Variants in ZNF385D observed in about 807,000 individuals in gnomAD.
The protein encoded by ZNF385D is zinc finger protein 385D.
A neutral mutation model predicts 35.8 loss-of-function variants in ZNF385D; 15 were observed. That is an observed-to-expected ratio of 0.42 (90% CI 0.28 to 0.64). The LOEUF (loss-of-function observed/expected upper bound fraction) is 0.64. Among genes scored for constraint, ZNF385D ranks in the 30% least tolerant of loss-of-function variants. ZNF385D has a pLI of 0.23. For synonymous variants in ZNF385D, 212 were observed against 186.8 expected, an observed-to-expected ratio of 1.13 and a Z score of -1.10; for missense variants, 474 against 494.6, an observed-to-expected ratio of 0.96 and a Z score of 0.39.
intron 1 of ZNF385D, among the ~76,000 whole-genome samples, chr3:21,741,289 G>C (rs2069503353): frequency 6.6e-6 from 1 of 152,180 alleles, no homozygotes; most frequent in African/African-American, 2.4e-5. Flanking sequence ...CACCAGGTTA[G>C]TATTTAGGAT....
intron 3 of ZNF385D, among the ~76,000 whole-genome samples, chr3:21,804,771 G>A (rs951655796): frequency 2.1e-5 from 2 of 93,790 alleles, no homozygotes; most frequent in Non-Finnish European, 4.5e-5. Flanking sequence ...TGTCAGAGAG[G>A]TTAAGTAATT....
intron 4 of ZNF385D, among the ~76,000 whole-genome samples, chr3:21,448,099 A>G (rs541205010): frequency 6.6e-6 from 1 of 152,248 alleles, no homozygotes; most frequent in Non-Finnish European, 1.5e-5. Context: ...GAAAGTTACC[A>G]TGATGTAACC....
intron 2 of ZNF385D, among the ~76,000 whole-genome samples, chr3:21,622,621 A>G (rs1378204662): frequency 6.6e-6 from 1 of 152,278 alleles, no homozygotes; most frequent in East Asian, 1.9e-4. Flanking sequence ...CAGATAAGAA[A>G]GTGTTCATAC....
chr3:22,079,061 G>C (rs1700609826), intron 3 of ZNF385D, among the ~76,000 whole-genome samples: 1 of 151,936 alleles, frequency 6.6e-6, no homozygotes, highest in Non-Finnish European at 1.5e-5. Context: ...GACAGAAGTG[G>C]AATCAAAGTT....
intron 3 of ZNF385D, among the ~76,000 whole-genome samples, chr3:21,762,779 C>G (rs953979183): frequency 5.9e-5 from 9 of 152,116 alleles, no homozygotes; most frequent in Admixed American, 5.9e-4. Context: ...GGCCCTTGGT[C>G]GTGGACCATA....
chr3:21,791,273 G>T (rs1327183393), intron 3 of ZNF385D, among the ~76,000 whole-genome samples: 2 of 152,110 alleles, frequency 1.3e-5, no homozygotes, highest in Non-Finnish European at 2.9e-5. Context: ...GTTTTGATGT[G>T]GGGCCATTTT....
At chr3:21,708,749 G>C (rs955970125) in intron 1 of ZNF385D, among the ~76,000 whole-genome samples, 2 of 151,726 alleles carry the variant, frequency 1.3e-5, no homozygotes, top group African/African-American at 2.4e-5. Flanking sequence ...AATACATTTA[G>C]TTTTCTAAGA....
chr3:21,622,152 T>G (rs933982575), intron 2 of ZNF385D, among the ~76,000 whole-genome samples: 2 of 152,066 alleles, frequency 1.3e-5, no homozygotes, highest in African/African-American at 4.8e-5. Flanking sequence ...AAATCTCCCT[T>G]AGCTTTTATC....
At chr3:21,734,652 T>G (rs548397128) in intron 1 of ZNF385D, among the ~76,000 whole-genome samples, 67 of 152,036 alleles carry the variant, frequency 4.4e-4, no homozygotes, top group African/African-American at 1.6e-3. Flanking sequence ...TAAGGAGAGT[T>G]TCGTAAAAAT....
intron 3 of ZNF385D, among the ~76,000 whole-genome samples, chr3:21,932,236 T>C (rs964011066): frequency 6.8e-6 from 1 of 147,528 alleles, no homozygotes; most frequent in African/African-American, 2.5e-5. Context: ...AAGAAGCCCT[T>C]TGTGATATAG....
Position 21,751,125 on chromosome 3 carries a change from G to T in ZNF385D, c.-209C>A, listed in dbSNP as rs953041491. 53 of 1,461,668 alleles carry T rather than the reference G, an allele frequency of 3.6e-5. No individual in the cohort carries two copies. The African/African-American group carries it at 6.7e-4, about 18-fold the overall frequency. The allele number at this position is 1,461,668 out of a possible 1,614,324, so 90.5% of individuals were successfully genotyped here. A position where few individuals can be genotyped will look rare whatever the true frequency, so the allele number is the denominator to read the frequency against. On this transcript the variant is annotated 5_prime_UTR_variant, in exon 1 of 8. Transcript: ENST00000281523. ...AAGATCCCCGGCGGCTGGAGAGTGCGCTCGGGCTGCCTGCTGCACTGCCCA... is the reference window on the plus strand; with the variant it reads ...AAGATCCCCGGCGGCTGGAGAGTGCTCTCGGGCTGCCTGCTGCACTGCCCA...
intron 3 of ZNF385D, among the ~76,000 whole-genome samples, chr3:21,984,799 C>T (rs1230162561): frequency 8.2e-5 from 10 of 122,086 alleles, no homozygotes; most frequent in Admixed American, 4.0e-4. Context: ...TACCCATGAG[C>T]ATGGAATGTT....
At chr3:22,304,477 G>T (rs529048000) in intron 2 of ZNF385D, among the ~76,000 whole-genome samples, 1 of 152,190 alleles carries the variant, frequency 6.6e-6, no homozygotes, top group South Asian at 2.1e-4. Context: ...CCCTTTACGT[G>T]TTACACATTT....
intron 3 of ZNF385D, among the ~76,000 whole-genome samples, chr3:21,895,612 A>C (rs921272346): frequency 1.3e-5 from 2 of 150,954 alleles, no homozygotes; most frequent in Non-Finnish European, 1.5e-5. Context: ...AAGTGCTGGG[A>C]TTACAGGTAT....
intron 3 of ZNF385D, among the ~76,000 whole-genome samples, chr3:21,928,324 G>A (rs746441551): frequency 1.5e-5 from 2 of 135,334 alleles, no homozygotes; most frequent in Non-Finnish European, 3.2e-5. Context: ...AGGGAGGAAG[G>A]AAGGAAGGAG....
At chr3:22,317,520 G>T (rs1275786607) in intron 2 of ZNF385D, among the ~76,000 whole-genome samples, 3 of 151,926 alleles carry the variant, frequency 2.0e-5, no homozygotes, top group East Asian at 1.9e-4. Context: ...CACCTTTGAT[G>T]CTGTGCATCT....
At chr3:21,636,356 A>T (rs1312834156) in intron 2 of ZNF385D, among the ~76,000 whole-genome samples, 2 of 135,778 alleles carry the variant, frequency 1.5e-5, no homozygotes, top group African/African-American at 5.4e-5. Flanking sequence ...ATATATGATT[A>T]TATATGATTA....
chr3:21,731,880 G>C (rs1400931874), intron 1 of ZNF385D, among the ~76,000 whole-genome samples: 2 of 151,956 alleles, frequency 1.3e-5, no homozygotes, highest in Non-Finnish European at 2.9e-5. Flanking sequence ...TCATCACTTG[G>C]TAGTTCATTT....
At chr3:21,628,685 T>A (rs2065200228) in intron 2 of ZNF385D, among the ~76,000 whole-genome samples, 1 of 151,988 alleles carries the variant, frequency 6.6e-6, no homozygotes, top group Non-Finnish European at 1.5e-5. Flanking sequence ...AAATACAGAT[T>A]CCCTAGAACT....
Sources: allele counts gnomAD v4.1 joint callset (sites outside exome capture counted in the v4.1 genomes callset), GRCh38; gene constraint gnomAD v4.1.1; transcripts MANE v1.5; gene names NCBI Gene and HGNC (gene_info 2026-07-23, HGNC 2026-07-21).